Variants in C12orf54 observed in about 807,000 individuals in gnomAD.
The protein encoded by C12orf54 is chromosome 12 open reading frame 54, also known as uncharacterized protein C12orf54.
A neutral mutation model predicts 26.4 loss-of-function variants in C12orf54; 24 were observed. The ratio of observed to expected loss-of-function variants is 0.91; its 90% confidence interval spans 0.66 to 1.28. The LOEUF (loss-of-function observed/expected upper bound fraction) is 1.28, where lower values mean the gene tolerates loss of function less well. C12orf54 is among the 50% of genes most tolerant of loss of function. The pLI is 0.00. For missense variants in C12orf54, 154 were observed against 150.9 expected (o/e 1.02, Z -0.11); for synonymous variants, 54 against 47.0 (o/e 1.15, Z -0.61).
chr12:48,477,205 G>A, the C12orf54 span, among the ~76,000 whole-genome samples: 3 of 152,188 alleles, frequency 2.0e-5, no homozygotes, highest in East Asian at 3.9e-4. Context: ...CAATGAGAAC[G>A]AAGACACAAC....
chr12:48,417,572 T>A, the C12orf54 span, among the ~76,000 whole-genome samples: 94 of 152,174 alleles, frequency 6.2e-4, no homozygotes, highest in African/African-American at 1.4e-3. Flanking sequence ...TTTCAAAAAA[T>A]TTTTTTTATA....
the C12orf54 span, among the ~76,000 whole-genome samples, chr12:48,455,695 GC>G: frequency 6.6e-6 from 1 of 152,312 alleles, no homozygotes; most frequent in South Asian, 2.1e-4. Context: ...GTACAGAAGA[GC>G]TAACAGGCAC....
At chr12:48,414,121 C>T in the C12orf54 span, among the ~76,000 whole-genome samples, 277 of 152,350 alleles carry the variant, frequency 1.8e-3, 1 homozygote, top group African/African-American at 6.3e-3. Flanking sequence ...CTTATTCCAG[C>T]TCTGTTCATG....
the C12orf54 span, among the ~76,000 whole-genome samples, chr12:48,428,431 C>T: frequency 1.3e-5 from 2 of 151,828 alleles, no homozygotes; most frequent in Non-Finnish European, 2.9e-5. Flanking sequence ...GCAAGATTAA[C>T]CAACAAAAGA....
chr12:48,473,193 G>A, the C12orf54 span: 2 of 1,374,198 alleles, frequency 1.5e-6, no homozygotes, highest in Non-Finnish European at 1.0e-6. Context: ...TGAGGATGAG[G>A]AGGAGTATGA....
At chr12:48,447,189 G>A in the C12orf54 span, among the ~76,000 whole-genome samples, 233 of 143,944 alleles carry the variant, frequency 1.6e-3, 1 homozygote, top group African/African-American at 5.8e-3. Context: ...AGATATGAGA[G>A]CTCTCTCTCT....
Position 48,490,901 on chromosome 12 carries a change from C to T in C12orf54, c.193+65C>T, listed in dbSNP as rs986770109. 4.5e-5 allele frequency: 70 copies of T among 1,556,018 alleles called. No homozygotes were observed. In the Admixed American group the frequency reaches 1.1e-3, roughly 25 times the overall value. On this transcript the variant is annotated intron_variant, in intron 6 of 8. Coordinates refer to ENST00000548364, the MANE Select transcript of C12orf54 (RefSeq NM_152319.4). ...GGGAGGGGATTTGGAATTCAAGTCT[C>T]ATTGTATCCATTTGCCATACAAAAG...
the C12orf54 span, among the ~76,000 whole-genome samples, chr12:48,433,445 A>C: frequency 1.2e-5 from 1 of 84,220 alleles, no homozygotes; most frequent in Non-Finnish European, 2.4e-5. Context: ...CTGTGCAACA[A>C]GCTTTTTTTT....
At chr12:48,437,471 T>A in the C12orf54 span, among the ~76,000 whole-genome samples, 1 of 152,116 alleles carries the variant, frequency 6.6e-6, no homozygotes, top group Non-Finnish European at 1.5e-5. Context: ...TAGACCAATA[T>A]CCTTGATGAA....
chr12:48,419,595 G>T, the C12orf54 span, among the ~76,000 whole-genome samples: 7 of 152,270 alleles, frequency 4.6e-5, no homozygotes, highest in South Asian at 8.3e-4. Flanking sequence ...ATGATGGGGG[G>T]TAGGAGAGAA....
the C12orf54 span, among the ~76,000 whole-genome samples, chr12:48,474,386 C>T: frequency 4.6e-5 from 7 of 152,296 alleles, no homozygotes; most frequent in South Asian, 4.1e-4. Flanking sequence ...GAGTGCCAGA[C>T]AGTAGGTGCA....
chr12:48,495,842 T>C (rs1025407992), intron 8 of C12orf54, among the ~76,000 whole-genome samples: 3 of 152,158 alleles, frequency 2.0e-5, no homozygotes, highest in African/African-American at 7.3e-5. Context: ...ATCATTAAGA[T>C]TATATTTTGC....
the C12orf54 span, among the ~76,000 whole-genome samples, chr12:48,438,023 T>C: frequency 6.6e-6 from 1 of 152,074 alleles, no homozygotes; most frequent in Non-Finnish European, 1.5e-5. Context: ...CAGCCCAAAA[T>C]CTCCTTAAGC....
At chr12:48,435,947 A>G in the C12orf54 span, among the ~76,000 whole-genome samples, 4 of 152,224 alleles carry the variant, frequency 2.6e-5, no homozygotes, top group Non-Finnish European at 5.9e-5. Context: ...TGCTCCAATT[A>G]AAGGGCACAG....
At chr12:48,435,568 A>C in the C12orf54 span, among the ~76,000 whole-genome samples, 4 of 152,246 alleles carry the variant, frequency 2.6e-5, no homozygotes, top group Non-Finnish European at 4.4e-5. Flanking sequence ...ATCTCTCGGC[A>C]GAAACTCTAC....
chr12:48,461,305 A>C, the C12orf54 span, among the ~76,000 whole-genome samples: 1 of 151,998 alleles, frequency 6.6e-6, no homozygotes, highest in Admixed American at 6.6e-5. Context: ...GCAGATTTAA[A>C]TACCCCTTCA....
At chr12:48,483,531 G>C in intron 2 of C12orf54, 170 bp downstream of exon 2, 1 of 580,052 alleles carries the variant, frequency 1.7e-6, no homozygotes, top group Non-Finnish European at 3.0e-6. Context: ...CTTAATGAAA[G>C]AGATAATAGC....
the C12orf54 span, among the ~76,000 whole-genome samples, chr12:48,476,262 G>A: frequency 1.3e-5 from 2 of 152,156 alleles, no homozygotes; most frequent in Non-Finnish European, 2.9e-5. Context: ...ACATAGAAAG[G>A]AACAACCAGT....
intron 3 of C12orf54, 178 bp downstream of exon 3, chr12:48,486,386 G>T: frequency 1.5e-6 from 1 of 648,622 alleles, no homozygotes; most frequent in Non-Finnish European, 2.7e-6. Context: ...CGTCTCCAAT[G>T]CCACCACTTC....
Sources: gnomAD v4.1 joint callset for allele counts (sites outside exome capture counted in the v4.1 genomes callset) on GRCh38, gnomAD v4.1.1 for gene constraint, MANE v1.5 for transcripts, NCBI Gene and HGNC (gene_info 2026-07-23, HGNC 2026-07-21) for gene names.